The following CNDP1 variants were observed in gnomAD, a reference collection of about 807,000 sequenced individuals.
CNDP1 encodes the protein beta-Ala-His dipeptidase.
Under a neutral mutation model 58.1 loss-of-function variants are expected in CNDP1, and 44 were observed. The observed-to-expected ratio is 0.76, with a 90% CI of 0.60 to 0.97. CNDP1 has a LOEUF of 0.97. Ranked by LOEUF, CNDP1 falls within the 50% of genes least tolerant of loss-of-function variation. The pLI is 0.00. For synonymous variants in CNDP1, 254 were observed against 252.6 expected, an observed-to-expected ratio of 1.01 and a Z score of -0.05; for missense variants, 616 against 655.1, an observed-to-expected ratio of 0.94 and a Z score of 0.65.
chr18:74,547,220 A>T lies in CNDP1; in HGVS notation c.25-9118A>T, dbSNP rs1024264957. 2.6e-5 allele frequency among the ~76,000 whole-genome samples: 4 copies of T among 152,230 alleles called. No homozygotes were observed. The East Asian group carries it at 7.7e-4, about 29-fold the overall frequency. ...TTCTTTTCTGTGTTATAACAAATTC[A>T]TCAGAGCAGACCCAGCACAGAGCAA... On this transcript the variant is annotated intron_variant, in intron 1 of 11. Transcript: ENST00000358821.
intron 1 of CNDP1, 147 bp downstream of exon 1, chr18:74,534,838 C>T (rs972945328): frequency 2.5e-6 from 2 of 788,346 alleles, no homozygotes; most frequent in African/African-American, 3.4e-5. Flanking sequence ...TAGGTGCTGT[C>T]TTGGCCGAGG....
Position 74,586,365 on chromosome 18 carries a change from G to C in CNDP1, c.*1803G>C, listed in dbSNP as rs72981769. The C allele has an allele frequency of 0.021, 3,207 of 152,314 alleles. 51 individuals carry two copies. The highest frequency in any genetic ancestry group is 0.048 in the Middle Eastern group (14 of 294). 9.4% of individuals were successfully genotyped at this position (152,314 alleles called of 1,614,324 possible). ...CGCTCATCTAATTATGCAGAGTTTC[G>C]TGGTGTTTCTCGATTTTGTTGAACC... is the stretch of plus-strand genomic sequence containing the variant. On this transcript the variant is annotated 3_prime_UTR_variant, in exon 12 of 12. Coordinates refer to ENST00000358821, the MANE Select transcript of CNDP1 (RefSeq NM_032649.6).
At chr18:74,560,007 A>ATT (rs1599093743) in intron 3 of CNDP1, among the ~76,000 whole-genome samples, 2 of 51,136 alleles carry the variant, frequency 3.9e-5, no homozygotes, top group African/African-American at 6.8e-5. Context: ...TGTCATCTGC[A>ATT]TTCTTTTTTT....
At chr18:74,550,143 T>C (rs1980864735) in intron 1 of CNDP1, among the ~76,000 whole-genome samples, 1 of 152,182 alleles carries the variant, frequency 6.6e-6, no homozygotes, top group Admixed American at 6.5e-5. Flanking sequence ...AATGAAGCTG[T>C]GAGAAGGGGG....
At chr18:74,561,317 A>G in intron 4 of CNDP1, 1 of 239,916 alleles carries the variant, frequency 4.2e-6, no homozygotes. Context: ...TTGGGAGACC[A>G]AGGCAGAATT....
chr18:74,577,020 C>T lies in CNDP1; in HGVS notation c.993C>T (p.Phe331=), dbSNP rs532473359. 1.4e-5 allele frequency: 23 copies of T among 1,611,598 alleles called. No homozygotes were observed. The South Asian group carries it at 1.7e-4, about 12-fold the overall frequency. The change falls in exon 8 of 12, where the codon TTC becomes TTT. Residue 331 remains phenylalanine, a synonymous_variant. Coordinates refer to ENST00000358821, the MANE Select transcript of CNDP1 (RefSeq NM_032649.6). ...RNSSRVEKFL[F]DTKEEILMHL... Reference sequence around the variant, plus strand: ...GCAGCCGGGTTGAGAAATTTCTGTTCGATACTAAGGTATGGCCACAGACTG... The same window carrying T: ...GCAGCCGGGTTGAGAAATTTCTGTTTGATACTAAGGTATGGCCACAGACTG...
chr18:74,565,353 G>C (rs1231609157), intron 5 of CNDP1, among the ~76,000 whole-genome samples: 2 of 152,106 alleles, frequency 1.3e-5, no homozygotes, highest in Non-Finnish European at 2.9e-5. Context: ...GTCCCCCAAA[G>C]TCTTAACTCA....
intron 1 of CNDP1, among the ~76,000 whole-genome samples, chr18:74,549,498 T>C (rs1333488282): frequency 6.6e-6 from 1 of 152,098 alleles, no homozygotes; most frequent in Non-Finnish European, 1.5e-5. Flanking sequence ...GCACTGGCAG[T>C]GAGCTGCACT....
intron 6 of CNDP1, among the ~76,000 whole-genome samples, chr18:74,570,509 A>C (rs931808970): frequency 1.3e-5 from 2 of 152,194 alleles, no homozygotes; most frequent in African/African-American, 2.4e-5. Context: ...TAGTGGAAGA[A>C]TGTGTTTGGC....
chr18:74,567,174 G>A, intron 5 of CNDP1, 59 bp from the exon 6 acceptor site: 1 of 1,353,210 alleles, frequency 7.4e-7, no homozygotes, highest in Non-Finnish European at 1.1e-6. Context: ...GATTTGGTGG[G>A]GACACAGCCA....
intron 10 of CNDP1, among the ~76,000 whole-genome samples, chr18:74,582,014 C>G (rs763331668): frequency 4.6e-5 from 7 of 152,220 alleles, no homozygotes; most frequent in Non-Finnish European, 8.8e-5. Flanking sequence ...AACTACAGAT[C>G]AAGTCCAAGA....
In CNDP1 at chr18:74,545,585, T is replaced by C. The variant is rs1980738207; in HGVS notation, c.25-10753T>C. Reference sequence around the variant, plus strand: ...CTCTCCTGACTCCGTGAGAAATCTCTGCTCTCCTCCTCGCCACCCCTCCTC... The same window carrying C: ...CTCTCCTGACTCCGTGAGAAATCTCCGCTCTCCTCCTCGCCACCCCTCCTC... On this transcript the variant is annotated intron_variant, in intron 1 of 11. Transcript: ENST00000358821. The surrounding 1 kb of genome is among the most constrained non-coding windows in gnomAD (Gnocchi z 4.1). Among the ~76,000 whole-genome samples the C allele has an allele frequency of 6.6e-6, 1 of 152,124 alleles. No homozygotes were observed. The highest frequency in any genetic ancestry group is 1.5e-5 in the Non-Finnish European group (1 of 68,022).
chr18:74,549,767 G>T (rs1413734918), intron 1 of CNDP1, among the ~76,000 whole-genome samples: 1 of 152,236 alleles, frequency 6.6e-6, no homozygotes, highest in Admixed American at 6.5e-5. Context: ...AGGCCCAGAG[G>T]CCTAGGAGGA....
chr18:74,556,356 G>GTGCTGTGC lies in CNDP1; in HGVS notation c.48_49insTGCTGCTG (p.Leu17CysfsTer22). The GTGCTGTGC allele has an allele frequency of 2.5e-6, 4 of 1,574,172 alleles. No homozygotes were observed. The highest frequency in any genetic ancestry group is 2.6e-6 in the Non-Finnish European group (3 of 1,157,886). On this transcript the variant is annotated frameshift_variant, in exon 2 of 12. Transcript: ENST00000358821. LOFTEE classifies it high-confidence loss of function. ...CTTCCAGGCTGCGTCCCTGCTGGCTGTGCTGCTGCTGCTGCTGGAGCGCGG... is the reference window on the plus strand; with the variant it reads ...CTTCCAGGCTGCGTCCCTGCTGGCTGTGCTGTGCTGCTGCTGCTGCTGCTGGAGCGCGG...
intron 2 of CNDP1, among the ~76,000 whole-genome samples, chr18:74,558,392 C>CTTTTTTTT (rs71168498): frequency 3.5e-4 from 40 of 114,300 alleles, no homozygotes; most frequent in African/African-American, 5.4e-4. Flanking sequence ...CTTTCTTTTT[C>CTTTTTTTT]TTTTTTTTTT....
At position 74,577,001 on chromosome 18, in the gene CNDP1, G is replaced by A. The variant is rs762044027; in HGVS notation, c.974G>A (p.Arg325Gln). The change falls in exon 8 of 12, where the codon CGG (arginine) becomes CAG (glutamine). Residue 325 changes from arginine to glutamine, a missense_variant. Physicochemically the swap from Arg to Gln is conservative, Grantham distance 43 (BLOSUM62 1). Coordinates refer to ENST00000358821, the MANE Select transcript of CNDP1 (RefSeq NM_032649.6). Reference sequence around the variant, plus strand: ...CTAGAAGAATACCGGAATAGCAGCCGGGTTGAGAAATTTCTGTTCGATACT... The same window carrying A: ...CTAGAAGAATACCGGAATAGCAGCCAGGTTGAGAAATTTCTGTTCGATACT... Reference protein sequence around the residue: ...LDLEEYRNSSRVEKFLFDTKE... With the variant: ...LDLEEYRNSSQVEKFLFDTKE... The A allele has an allele frequency of 2.5e-5, 40 of 1,612,714 alleles. No individual in the cohort carries two copies. Among genetic ancestry groups the A allele is most frequent in the Admixed American group, 1.5e-4 (9 of 59,828 alleles).
At chr18:74,547,772 C>T (rs1157249063) in intron 1 of CNDP1, among the ~76,000 whole-genome samples, 1 of 152,180 alleles carries the variant, frequency 6.6e-6, no homozygotes, top group African/African-American at 2.4e-5. Context: ...CAGGAAGTGC[C>T]CCAGGACCTC....
chr18:74,536,178 C>T (rs1418028676), intron 1 of CNDP1, among the ~76,000 whole-genome samples: 4 of 152,034 alleles, frequency 2.6e-5, no homozygotes, highest in African/African-American at 9.7e-5. Context: ...AGTACATGTG[C>T]AGGTTTCTTA....
intron 7 of CNDP1, chr18:74,576,642 T>C: frequency 4.8e-6 from 2 of 413,902 alleles, no homozygotes; most frequent in East Asian, 7.4e-5. Flanking sequence ...TTTGACAAGG[T>C]GAACACTAAA....
Sources: allele counts gnomAD v4.1 joint callset (sites outside exome capture counted in the v4.1 genomes callset), GRCh38; gene constraint gnomAD v4.1.1; non-coding constraint Gnocchi (gnomAD v3.1); transcripts MANE v1.5; gene names NCBI Gene and HGNC (gene_info 2026-07-23, HGNC 2026-07-21).